SLC24A4: variants seen among roughly 807,000 people sequenced by gnomAD.
The protein encoded by SLC24A4 is sodium/potassium/calcium exchanger 4.
Under a neutral mutation model 79.0 loss-of-function variants are expected in SLC24A4, and 53 were observed. The ratio of observed to expected loss-of-function variants is 0.67; its 90% CI spans 0.54 to 0.84. SLC24A4 has a LOEUF of 0.84. Ranked by LOEUF, SLC24A4 falls within the 40% of genes least tolerant of loss-of-function variation. The pLI is 0.00. For missense variants in SLC24A4, 731 were observed against 822.0 expected (o/e 0.89, Z 1.35); for synonymous variants, 323 against 323.8 (o/e 1.00, Z 0.03).
chr14:92,331,671 A>C (rs1187852951), intron 2 of SLC24A4, among the ~76,000 whole-genome samples: 4 of 152,222 alleles, frequency 2.6e-5, no homozygotes, highest in African/African-American at 9.6e-5. Flanking sequence ...TTTTAAAACC[A>C]TAATACGTGC....
At position 92,456,512 on chromosome 14, in the gene SLC24A4, C is replaced by G. The variant is rs576717645; in HGVS notation, c.1159C>G (p.Pro387Ala). The change falls in exon 12 of 17, where the codon CCT becomes GCT. Residue 387 changes from proline (P) to alanine (A), a missense_variant. Pro to Ala is a conservative substitution (Grantham distance 27). Coordinates refer to ENST00000532405, the MANE Select transcript of SLC24A4 (RefSeq NM_153646.4). Reference protein sequence around the residue: ...GNVPVENPEDPQQNQEQQPPP... With the variant: ...GNVPVENPEDAQQNQEQQPPP... ...TGTTCCTGTGGAAAACCCCGAAGAC[C>G]CTCAGCAGAATCAGGAGCAGCAGCC... 6.2e-7 allele frequency: 1 copy of G among 1,614,162 alleles called. No homozygotes were observed. The highest frequency in any genetic ancestry group is 8.5e-7 in the Non-Finnish European group (1 of 1,180,028).
intron 2 of SLC24A4, among the ~76,000 whole-genome samples, chr14:92,429,299 C>A (rs1387655311): frequency 6.6e-6 from 1 of 152,054 alleles, no homozygotes; most frequent in Non-Finnish European, 1.5e-5. Context: ...GTGGTAGATA[C>A]ACGACTGTAG....
chr14:92,484,728 C>T (rs1895261380), intron 13 of SLC24A4: 1 of 985,272 alleles, frequency 1.0e-6, no homozygotes, highest in African/African-American at 1.7e-5. Flanking sequence ...TCATTCATGT[C>T]CCTCCTGACC....
intron 2 of SLC24A4, among the ~76,000 whole-genome samples, chr14:92,364,839 G>A (rs184808968): frequency 2.0e-5 from 3 of 152,338 alleles, no homozygotes; most frequent in Admixed American, 2.0e-4. Flanking sequence ...TCTCAAGCAT[G>A]TCTGGCACAG....
chr14:92,394,103 C>T (rs1360230323), intron 2 of SLC24A4, among the ~76,000 whole-genome samples: 1 of 151,884 alleles, frequency 6.6e-6, no homozygotes, highest in Non-Finnish European at 1.5e-5. Context: ...CCTCTGCCTC[C>T]CAAAATGCTG....
At chr14:92,404,669 C>G (rs1192472878) in intron 2 of SLC24A4, among the ~76,000 whole-genome samples, 2 of 152,218 alleles carry the variant, frequency 1.3e-5, no homozygotes, top group Non-Finnish European at 2.9e-5. Context: ...TAACCACCCC[C>G]ATCTAAAGCA....
rs116764631 is a variant in SLC24A4, at chr14:92,328,927, C to T, written c.241+2949C>T. 2.9e-3 allele frequency among the ~76,000 whole-genome samples: 435 copies of T among 152,382 alleles called. 1 individual carries two copies. The highest frequency in any genetic ancestry group is 9.3e-3 in the African/African-American group (387 of 41,592). ...CTGGAGAGCAAACACTCAATTCTTA[C>T]ACCTCTTCACCCTGGGCTCCCATCC... On this transcript the variant is annotated intron_variant, in intron 2 of 16. Transcript: ENST00000532405.
At chr14:92,424,299 A>G (rs4904911) in intron 2 of SLC24A4, among the ~76,000 whole-genome samples, 107,669 of 152,138 alleles carry the variant, frequency 0.71, 38,444 homozygotes, top group East Asian at 0.98. Flanking sequence ...AAGGTCATAA[A>G]AGTAGGGCCC....
In SLC24A4 at chr14:92,380,046, C is replaced by T. The variant is rs546737902; in HGVS notation, c.242-53866C>T. 2.5e-3 allele frequency among the ~76,000 whole-genome samples: 388 copies of T among 152,360 alleles called. 1 individual carries two copies. The highest frequency in any genetic ancestry group is 8.8e-3 in the African/African-American group (366 of 41,580). ...CAGCCAATCCTCCAGGGCAGGGTTT[C>T]ACTCATTCACTGCCTGCGTGCCTGT... On this transcript the variant is annotated intron_variant, in intron 2 of 16. Transcript: ENST00000532405.
At chr14:92,352,842 T>C (rs1223129924) in intron 2 of SLC24A4, among the ~76,000 whole-genome samples, 1 of 152,180 alleles carries the variant, frequency 6.6e-6, no homozygotes, top group Non-Finnish European at 1.5e-5. Context: ...TGAGGTTGTT[T>C]CTGAGTTAAT....
intron 2 of SLC24A4, among the ~76,000 whole-genome samples, chr14:92,416,101 AGT>A (rs1482615808): frequency 1.4e-5 from 2 of 148,120 alleles, no homozygotes; most frequent in Admixed American, 1.4e-4. Context: ...AGGAAAGGAA[AGT>A]GTGTGTATTT....
At chr14:92,361,312 T>G (rs1223749645) in intron 2 of SLC24A4, among the ~76,000 whole-genome samples, 2 of 150,692 alleles carry the variant, frequency 1.3e-5, no homozygotes, top group Middle Eastern at 3.4e-3. Flanking sequence ...AATCTTGGAC[T>G]CAGGTATTCT....
chr14:92,345,718 G>C (rs766268561), intron 2 of SLC24A4, among the ~76,000 whole-genome samples: 1 of 151,828 alleles, frequency 6.6e-6, no homozygotes, highest in Non-Finnish European at 1.5e-5. Context: ...AAAAAAAGTT[G>C]CATAGCATTT....
intron 2 of SLC24A4, among the ~76,000 whole-genome samples, chr14:92,417,392 C>G (rs1173377035): frequency 6.6e-6 from 1 of 151,792 alleles, no homozygotes; most frequent in African/African-American, 2.4e-5. Context: ...AATATTTTTG[C>G]AGGGCTGTAG....
In SLC24A4 at chr14:92,446,366, C is replaced by G. The variant is rs566140245; in HGVS notation, c.684-1005C>G. Among the ~76,000 whole-genome samples, 20 of 152,210 alleles carry G rather than the reference C, an allele frequency of 1.3e-4. No homozygotes were observed. The South Asian group carries it at 2.1e-3, about 16-fold the overall frequency. ...TTCACCATGTTGGCCAGGCTGGTCT[C>G]GAACTCCTGGGCTCAAGTGATCCAC... is the stretch of plus-strand genomic sequence containing the variant. On this transcript the variant is annotated intron_variant, in intron 8 of 16. Transcript: ENST00000532405.
At chr14:92,355,973 A>AT (rs1232831503) in intron 2 of SLC24A4, among the ~76,000 whole-genome samples, 9 of 152,144 alleles carry the variant, frequency 5.9e-5, no homozygotes, top group Non-Finnish European at 1.2e-4. Context: ...TTGACTTAGG[A>AT]TTTTTTTGAC....
In SLC24A4 at chr14:92,325,818, G is replaced by A. The variant is rs750380033; in HGVS notation, c.131-50G>A. 9.6e-6 allele frequency: 11 copies of A among 1,145,634 alleles called. No individual in the cohort carries two copies. The Admixed American group carries it at 1.2e-4, about 12-fold the overall frequency. 71.0% of individuals were successfully genotyped at this position (1,145,634 alleles called of 1,614,324 possible). ...ACAAATGTAAGGTCATTTTGGAAAC[G>A]CAGCCATCACACTGACCTAATGGTA... On this transcript the variant is annotated intron_variant, in intron 1 of 16. Coordinates refer to ENST00000532405, the MANE Select transcript of SLC24A4 (RefSeq NM_153646.4).
chr14:92,433,860 G>T (rs939835875), intron 2 of SLC24A4, 52 bp from the exon 3 acceptor site: 1 of 1,493,620 alleles, frequency 6.7e-7, no homozygotes, highest in Non-Finnish European at 9.3e-7. Context: ...AGTGAGGTTT[G>T]TCGGGAGGCC....
intron 2 of SLC24A4, among the ~76,000 whole-genome samples, chr14:92,401,140 A>G (rs1262284920): frequency 6.6e-6 from 1 of 152,126 alleles, no homozygotes; most frequent in African/African-American, 2.4e-5. Flanking sequence ...CCTGTCTCAT[A>G]AGGAAGAGTC....
Sources: gnomAD v4.1 joint callset for allele counts (sites outside exome capture counted in the v4.1 genomes callset) on GRCh38, gnomAD v4.1.1 for gene constraint, MANE v1.5 for transcripts, NCBI Gene and HGNC (gene_info 2026-07-23, HGNC 2026-07-21) for gene names.